Variants in NIBAN1 observed in about 807,000 individuals in gnomAD.
The protein encoded by NIBAN1 is protein Niban 1.
Under a neutral mutation model 75.1 loss-of-function variants are expected in NIBAN1, and 81 were observed. The ratio of observed to expected loss-of-function variants is 1.08; its 90% CI spans 0.90 to 1.30. The LOEUF is 1.30. Among genes scored for constraint, NIBAN1 ranks in the 50% most tolerant of loss-of-function variants. The pLI, the probability that NIBAN1 is intolerant of heterozygous loss-of-function variation, is 0.00. For missense variants in NIBAN1, 1,133 were observed against 1,128.1 expected (o/e 1.00, Z -0.06); for synonymous variants, 436 against 424.8 (o/e 1.03, Z -0.32).
intron 5 of NIBAN1, among the ~76,000 whole-genome samples, chr1:184,835,689 A>G (rs940819751): frequency 6.6e-6 from 1 of 152,170 alleles, no homozygotes; most frequent in Non-Finnish European, 1.5e-5. Flanking sequence ...TTGCACATTG[A>G]TTTTGTATCC....
chr1:184,947,371 G>A (rs1444462484), intron 1 of NIBAN1, among the ~76,000 whole-genome samples: 1 of 152,128 alleles, frequency 6.6e-6, no homozygotes, highest in Non-Finnish European at 1.5e-5. Flanking sequence ...TGAAATAGAG[G>A]TTACCAGGGT....
intron 5 of NIBAN1, among the ~76,000 whole-genome samples, chr1:184,884,215 CTTTTTTTTTTTTT>C (rs11334000): frequency 4.5e-5 from 3 of 66,800 alleles, no homozygotes; most frequent in African/African-American, 7.3e-5. Flanking sequence ...ATCTGTGGCT[CTTTTTTTTTTTTT>C]TTTTTTTTTT....
At chr1:184,972,844 A>G (rs1449425181) in intron 1 of NIBAN1, among the ~76,000 whole-genome samples, 1 of 152,226 alleles carries the variant, frequency 6.6e-6, no homozygotes, top group Non-Finnish European at 1.5e-5. Context: ...AATCCTTCAC[A>G]TTGCTTAACT....
intron 1 of NIBAN1, among the ~76,000 whole-genome samples, chr1:184,901,947 T>C (rs754347288): frequency 8.5e-5 from 13 of 152,338 alleles, no homozygotes; most frequent in Admixed American, 6.5e-4. Context: ...CAATATCATA[T>C]GTTCTGGGGT....
At position 184,884,767 on chromosome 1, in the gene NIBAN1, A is replaced by T; in HGVS notation, c.467T>A (p.Val156Glu). 1.2e-6 allele frequency: 2 copies of T among 1,614,224 alleles called. No individual in the cohort carries two copies. The highest frequency in any genetic ancestry group is 1.7e-6 in the Non-Finnish European group (2 of 1,180,006). ...CACTGGGAATTCCTTGGGCAGGACCACAAAGGGCTGAGTGTTCTCCTTCTC... is the reference window on the plus strand; with the variant it reads ...CACTGGGAATTCCTTGGGCAGGACCTCAAAGGGCTGAGTGTTCTCCTTCTC... ...SSEKENTQPF[V>E]VLPKEFPVYL... The change falls in exon 5 of 14, where the codon GTG becomes GAG. Residue 156 changes from valine to glutamate, a missense_variant. Physicochemically the swap from Val to Glu is moderately radical, Grantham distance 121. Coordinates refer to ENST00000367511, the MANE Select transcript of NIBAN1 (RefSeq NM_052966.4).
At chr1:184,912,843 G>T (rs558694873) in intron 1 of NIBAN1, among the ~76,000 whole-genome samples, 74 of 152,230 alleles carry the variant, frequency 4.9e-4, no homozygotes, top group African/African-American at 1.7e-3. Context: ...ACTATGGAAA[G>T]GTGCCCCTTC....
intron 1 of NIBAN1, among the ~76,000 whole-genome samples, chr1:184,902,656 C>T (rs1028984352): frequency 3.3e-5 from 5 of 152,166 alleles, no homozygotes; most frequent in African/African-American, 1.2e-4. Context: ...CCACCCATTG[C>T]AGGCTCCAAA....
intron 1 of NIBAN1, among the ~76,000 whole-genome samples, chr1:184,900,802 G>A (rs571062341): frequency 3.9e-5 from 6 of 152,278 alleles, no homozygotes; most frequent in Admixed American, 1.3e-4. Context: ...GATTGTGCTC[G>A]TAAGCGATGA....
At position 184,884,515 on chromosome 1, in the gene NIBAN1, G is replaced by A. The variant is rs139085508; in HGVS notation, c.601+118C>T. 5,373 of 1,349,264 alleles carry A rather than the reference G, an allele frequency of 4.0e-3. 159 individuals carry two copies. The African/African-American group carries it at 0.063, about 16-fold the overall frequency. 83.6% of individuals were successfully genotyped at this position (1,349,264 alleles called of 1,614,324 possible). ...GCTGGGATTACAGGCATGAGCCACCGCACTTGGCTCATCTGTGGCTCTTTC... is the reference window on the plus strand; with the variant it reads ...GCTGGGATTACAGGCATGAGCCACCACACTTGGCTCATCTGTGGCTCTTTC... On this transcript the variant is annotated intron_variant, in intron 5 of 13. Coordinates refer to ENST00000367511, the MANE Select transcript of NIBAN1 (RefSeq NM_052966.4).
chr1:184,806,564 C>T (rs573510154), intron 10 of NIBAN1, among the ~76,000 whole-genome samples: 6 of 152,174 alleles, frequency 3.9e-5, no homozygotes, highest in East Asian at 1.9e-4. Flanking sequence ...GCCTGTGTTC[C>T]CGTCACCAGG....
At chr1:184,921,742 G>A (rs1657560420) in intron 1 of NIBAN1, among the ~76,000 whole-genome samples, 1 of 152,146 alleles carries the variant, frequency 6.6e-6, no homozygotes, top group Non-Finnish European at 1.5e-5. Flanking sequence ...ATTTCAAGAG[G>A]AGCAGTCAAT....
Position 184,795,298 on chromosome 1 carries a change from G to A in NIBAN1, c.2466C>T (p.Leu822=), listed in dbSNP as rs752383834. Residue 822 remains leucine, a synonymous_variant, in exon 14 of 14, where the codon CTC becomes CTT. Transcript: ENST00000367511. ...TGCCCCCTCTTCCTTCATGGGCAGT[G>A]AGTGTGCAGGCCTCTCCTGGGAGCT... ...EGELPGEACT[L]TAHEGRGGKC... The A allele has an allele frequency of 1.9e-6, 3 of 1,612,538 alleles. No individual in the cohort carries two copies. The highest frequency in any genetic ancestry group is 1.1e-5 in the South Asian group (1 of 91,086).
At chr1:184,822,389 G>A (rs536370669) in intron 8 of NIBAN1, among the ~76,000 whole-genome samples, 5 of 152,308 alleles carry the variant, frequency 3.3e-5, no homozygotes, top group Admixed American at 6.5e-5. Flanking sequence ...TTTGTGGTCC[G>A]TAAGGTCTCA....
intron 5 of NIBAN1, among the ~76,000 whole-genome samples, chr1:184,884,200 G>A (rs372538387): frequency 6.1e-5 from 9 of 147,026 alleles, no homozygotes; most frequent in African/African-American, 2.2e-4. Flanking sequence ...TCCCTGGGCA[G>A]CACCATCTGT....
chr1:184,936,002 A>G lies in NIBAN1; in HGVS notation c.56-36693T>C, dbSNP rs112207303. Reference sequence around the variant, plus strand: ...ACGAACCACAGCTATATCTAACCCAACCTATTTTTGTGATAGATGAAAAAA... The same window carrying G: ...ACGAACCACAGCTATATCTAACCCAGCCTATTTTTGTGATAGATGAAAAAA... On this transcript the variant is annotated intron_variant, in intron 1 of 13. Transcript: ENST00000367511. Among the ~76,000 whole-genome samples, 1,408 of 147,730 alleles carry G rather than the reference A, an allele frequency of 9.5e-3. 18 individuals carry two copies. The highest frequency in any genetic ancestry group is 0.021 in the South Asian group (98 of 4,568).
intron 5 of NIBAN1, among the ~76,000 whole-genome samples, chr1:184,840,449 A>AAAAT (rs1164480862): frequency 6.6e-6 from 1 of 152,268 alleles, no homozygotes; most frequent in African/African-American, 2.4e-5. Flanking sequence ...TGAAAGTATA[A>AAAAT]AAATATAAGA....
At chr1:184,944,711 A>G (rs1658179737) in intron 1 of NIBAN1, among the ~76,000 whole-genome samples, 1 of 152,246 alleles carries the variant, frequency 6.6e-6, no homozygotes, top group African/African-American at 2.4e-5. Context: ...GGGAAAAAGA[A>G]TAGTGGGAGA....
At chr1:184,939,322 C>A (rs1021277964) in intron 1 of NIBAN1, among the ~76,000 whole-genome samples, 1 of 152,184 alleles carries the variant, frequency 6.6e-6, no homozygotes, top group Non-Finnish European at 1.5e-5. Context: ...AGAAAAAAAT[C>A]TTAGGCAGAG....
chr1:184,859,972 C>T (rs1021015311), intron 5 of NIBAN1, among the ~76,000 whole-genome samples: 1 of 152,104 alleles, frequency 6.6e-6, no homozygotes, highest in Non-Finnish European at 1.5e-5. Flanking sequence ...GAAAGTGGAA[C>T]CAAAGCCAGA....
Sources: allele counts gnomAD v4.1 joint callset (sites outside exome capture counted in the v4.1 genomes callset), GRCh38; gene constraint gnomAD v4.1.1; transcripts MANE v1.5; gene names NCBI Gene and HGNC (gene_info 2026-07-23, HGNC 2026-07-21).